The following PKM variants were observed in gnomAD, a reference collection of about 807,000 sequenced individuals.
PKM encodes pyruvate kinase M1/2, also known as pyruvate kinase PKM.
In PKM, 18 loss-of-function variants were observed where a neutral mutation model predicts 49.8. That is an observed-to-expected ratio of 0.36 (90% CI 0.25 to 0.54). The LOEUF is 0.54. Ranked by LOEUF, PKM falls within the 20% of genes least tolerant of loss-of-function variation. The pLI, the probability that PKM is intolerant of heterozygous loss-of-function variation, is 0.89. For synonymous variants in PKM, 239 were observed against 261.8 expected (o/e 0.91, Z 0.84); for missense variants, 508 against 713.8 (o/e 0.71, Z 3.28).
intron 3 of PKM, among the ~76,000 whole-genome samples, chr15:72,211,359 G>A (rs371346885): frequency 2.6e-5 from 4 of 152,124 alleles, no homozygotes; most frequent in Admixed American, 2.0e-4. Flanking sequence ...GAGCCACTGC[G>A]CCCGGCCTCA....
intron 1 of PKM, among the ~76,000 whole-genome samples, chr15:72,224,123 C>CG (rs1223797505): frequency 6.6e-6 from 1 of 152,144 alleles, no homozygotes; most frequent in Non-Finnish European, 1.5e-5. Flanking sequence ...CCTCAGATGC[C>CG]GAGGATTTCC....
At chr15:72,221,804 C>T (rs2082531382) in intron 1 of PKM, among the ~76,000 whole-genome samples, 1 of 150,428 alleles carries the variant, frequency 6.6e-6, no homozygotes, top group Non-Finnish European at 1.5e-5. Flanking sequence ...AAGTTCTGTA[C>T]ACTGGGTTGT....
At chr15:72,221,327 T>G in intron 1 of PKM, 3 of 1,228,826 alleles carry the variant, frequency 2.4e-6, no homozygotes, top group South Asian at 1.3e-5. Context: ...ACTAAAGCTC[T>G]TTGGGGTAAT....
At chr15:72,217,984 G>A (rs778469006) in intron 2 of PKM, among the ~76,000 whole-genome samples, 4 of 152,188 alleles carry the variant, frequency 2.6e-5, no homozygotes, top group Admixed American at 6.5e-5. Context: ...GGGTTACAAA[G>A]TTATGTAATC....
upstream of PKM, chr15:72,231,206 C>T: frequency 4.2e-6 from 1 of 237,280 alleles, no homozygotes; most frequent in Non-Finnish European, 9.1e-6. Context: ...GCCACTGCCT[C>T]AGCCTCAAGG....
At position 72,207,227 on chromosome 15, in the gene PKM, T is replaced by A; in HGVS notation, c.887A>T (p.Asp296Val). The A allele has an allele frequency of 6.2e-7, 1 of 1,614,112 alleles. No individual in the cohort carries two copies. The highest frequency in any genetic ancestry group is 1.1e-5 in the South Asian group (1 of 91,088). Residue 296 changes from aspartate to valine, a missense_variant, in exon 7 of 11, where the codon GAT becomes GTT. By Grantham distance (152) the Asp-to-Val change is radical. Coordinates refer to ENST00000335181, the MANE Select transcript of PKM (RefSeq NM_002654.6). Reference protein sequence around the residue: ...ASDGIMVARGDLGIEIPAEKV... With the variant: ...ASDGIMVARGVLGIEIPAEKV... The stretch of plus-strand genomic sequence containing the variant: ...CTCTGCAGGAATCTCAATGCCTAGA[T>A]CACCACGAGCCACCATGATCCCATC...
At chr15:72,210,131 TA>T (rs144902278) in intron 4 of PKM, 14,859 of 502,550 alleles carry the variant, frequency 0.03, 204 homozygotes, top group African/African-American at 0.1. Flanking sequence ...GTTTTTAGGG[TA>T]AAAAAAAAAG....
intron 1 of PKM, 58 bp downstream of exon 1, chr15:72,231,058 C>T (rs1211078593): frequency 9.6e-6 from 8 of 835,488 alleles, no homozygotes; most frequent in Non-Finnish European, 1.4e-5. Flanking sequence ...GGATTCCGCA[C>T]TAGCCGGGCG....
At chr15:72,230,308 C>A (rs2082818769) in intron 1 of PKM, among the ~76,000 whole-genome samples, 1 of 152,156 alleles carries the variant, frequency 6.6e-6, no homozygotes, top group African/African-American at 2.4e-5. Flanking sequence ...CCGCCGCATC[C>A]CGCCCGCCGC....
intron 8 of PKM, 146 bp downstream of exon 8, chr15:72,206,582 C>G (rs1216623771): frequency 1.3e-6 from 1 of 791,646 alleles, no homozygotes; most frequent in African/African-American, 1.7e-5. Flanking sequence ...CACTTCCACC[C>G]CCACCCTCTT....
rs1567099074 is a variant in PKM at position 72,200,425 on chromosome 15, A to G, written c.1489+49T>C. ...CGGGGTCCCACAGAAGCCAATGCTCAAGCATCCCCAAGCTCCTCTAGGCTC... is the reference window on the plus strand; with the variant it reads ...CGGGGTCCCACAGAAGCCAATGCTCGAGCATCCCCAAGCTCCTCTAGGCTC... On this transcript the variant is annotated intron_variant, in intron 10 of 10. Transcript: ENST00000335181. This position sits in a 1 kb window ranked among gnomAD's most constrained non-coding sequence, Gnocchi z 4.6. The G allele has an allele frequency of 6.3e-7, 1 of 1,582,456 alleles. No individual in the cohort carries two copies. The highest frequency in any genetic ancestry group is 2.2e-5 in the East Asian group (1 of 44,716).
At chr15:72,211,580 G>A (rs1414090562) in intron 3 of PKM, among the ~76,000 whole-genome samples, 2 of 152,120 alleles carry the variant, frequency 1.3e-5, no homozygotes, top group Non-Finnish European at 2.9e-5. Flanking sequence ...CACTTTGGGA[G>A]GCTAAGGTGG....
chr15:72,203,500 C>T, intron 8 of PKM: 1 of 409,236 alleles, frequency 2.4e-6, no homozygotes, highest in Non-Finnish European at 4.6e-6. Context: ...CATGCCCAGG[C>T]TGGGCCCAGG....
At chr15:72,209,570 C>T in intron 5 of PKM, 103 bp downstream of exon 5, 1 of 930,944 alleles carries the variant, frequency 1.1e-6, no homozygotes, top group Non-Finnish European at 1.8e-6. Flanking sequence ...CACACAGACT[C>T]AATCTCACTG....
At chr15:72,222,851 C>T (rs2082561491) in intron 1 of PKM, among the ~76,000 whole-genome samples, 1 of 152,162 alleles carries the variant, frequency 6.6e-6, no homozygotes, top group South Asian at 2.1e-4. Context: ...GGCACAATCA[C>T]AGCTCAGCTC....
intron 3 of PKM, among the ~76,000 whole-genome samples, chr15:72,213,964 T>C: frequency 6.6e-6 from 1 of 152,232 alleles, no homozygotes; most frequent in East Asian, 1.9e-4. Context: ...TATTTTACTA[T>C]TTTTTCCCCA....
At chr15:72,217,205 CTTTTTGCTAAAA>C (rs1396427318) in intron 3 of PKM, among the ~76,000 whole-genome samples, 192 bp downstream of exon 3, 1 of 152,156 alleles carries the variant, frequency 6.6e-6, no homozygotes, top group African/African-American at 2.4e-5. Context: ...AAAGGGGGTC[CTTTTTGCTAAAA>C]GAGACTCAGC....
intron 1 of PKM, chr15:72,228,737 A>G (rs1057226870): frequency 3.2e-6 from 2 of 624,630 alleles, no homozygotes; most frequent in Admixed American, 2.7e-5. Context: ...CAAAGGGCAA[A>G]TTATTTGCTA....
chr15:72,209,660 C>T lies in PKM; in HGVS notation c.565+13G>A. ...ACTGTTTTAGACAACTGGACTCCAGCTCCCATACGTACCTTTCTGCTTCAC... is the reference window on the plus strand; with the variant it reads ...ACTGTTTTAGACAACTGGACTCCAGTTCCCATACGTACCTTTCTGCTTCAC... On this transcript the variant is annotated intron_variant, in intron 5 of 10. Transcript: ENST00000335181. 1 of 1,610,566 alleles carries T rather than the reference C, an allele frequency of 6.2e-7. No individual in the cohort carries two copies. Among genetic ancestry groups the T allele is most frequent in the Non-Finnish European group, 8.5e-7 (1 of 1,177,916 alleles).
Sources: allele counts gnomAD v4.1 joint callset (sites outside exome capture counted in the v4.1 genomes callset), GRCh38; gene constraint gnomAD v4.1.1; non-coding constraint Gnocchi (gnomAD v3.1); transcripts MANE v1.5; gene names NCBI Gene and HGNC (gene_info 2026-07-23, HGNC 2026-07-21).